The following KNDC1 variants were observed in gnomAD, a reference collection of about 807,000 sequenced individuals.
KNDC1 encodes kinase non-catalytic C-lobe domain-containing protein 1.
In KNDC1, 106 loss-of-function variants were observed where a neutral mutation model predicts 172.8. The ratio of observed to expected loss-of-function variants is 0.61; its 90% CI spans 0.52 to 0.72. The LOEUF (loss-of-function observed/expected upper bound fraction) is 0.72, where lower values mean the gene tolerates loss of function less well. Ranked by LOEUF, KNDC1 falls within the 30% of genes least tolerant of loss-of-function variation. The pLI is 0.00. For missense variants in KNDC1, 2,325 were observed against 2,394.5 expected (o/e 0.97, Z 0.61); for synonymous variants, 1,083 against 1,062.2 (o/e 1.02, Z -0.38).
At chr10:133,191,418 G>T (rs969704005) in intron 9 of KNDC1, among the ~76,000 whole-genome samples, 1 of 150,790 alleles carries the variant, frequency 6.6e-6, no homozygotes, top group Non-Finnish European at 1.5e-5. Flanking sequence ...ACCCCAACAG[G>T]GCCGGGTGTG....
intron 6 of KNDC1, among the ~76,000 whole-genome samples, chr10:133,186,968 C>T (rs1014741905): frequency 1.3e-5 from 2 of 152,180 alleles, no homozygotes; most frequent in Admixed American, 1.3e-4. Context: ...GCACGGCCGT[C>T]CCGAGGGATT....
chr10:133,167,652 A>G, intron 2 of KNDC1, 73 bp downstream of exon 2: 3 of 1,454,154 alleles, frequency 2.1e-6, no homozygotes, highest in Non-Finnish European at 2.8e-6. Context: ...GGATGTGAGC[A>G]CTGGCTCTGC....
chr10:133,217,781 A>C (rs979767308), intron 26 of KNDC1, among the ~76,000 whole-genome samples: 1 of 151,186 alleles, frequency 6.6e-6, no homozygotes, highest in Non-Finnish European at 1.5e-5. Context: ...ATATGGTGAA[A>C]CCTCATCTCC....
chr10:133,161,877 T>C (rs1852983431), intron 1 of KNDC1, among the ~76,000 whole-genome samples: 1 of 152,090 alleles, frequency 6.6e-6, no homozygotes, highest in Non-Finnish European at 1.5e-5. Flanking sequence ...GCCTCCCCGC[T>C]CCGCACACGG....
At chr10:133,219,190 AGAGT>A in intron 28 of KNDC1, 100 bp downstream of exon 28, 1 of 1,426,770 alleles carries the variant, frequency 7.0e-7, no homozygotes, top group Non-Finnish European at 9.6e-7. Context: ...CAGGCACCAC[AGAGT>A]GTGTGCAGGT....
chr10:133,202,814 G>T (rs1018285204), intron 17 of KNDC1: 6 of 379,458 alleles, frequency 1.6e-5, no homozygotes, highest in South Asian at 1.2e-4. Context: ...TGAAAGACCC[G>T]CATGGTGCTA....
At position 133,224,936 on chromosome 10, in the gene KNDC1, G is replaced by T. The variant is rs547715900; in HGVS notation, c.*46G>T. The T allele has an allele frequency of 7.4e-6, 11 of 1,496,232 alleles. No homozygotes were observed. The highest frequency in any genetic ancestry group is 1.4e-5 in the African/African-American group (1 of 72,194). The allele number at this position is 1,496,232 out of a possible 1,614,324, so 92.7% of individuals were successfully genotyped here. ...GAATTCCAGATCCGAATCCGACTGT[G>T]GGGGGCGGGCTGGGAGGTGGGAGCC... On this transcript the variant is annotated 3_prime_UTR_variant, in exon 30 of 30. Coordinates refer to ENST00000304613, the MANE Select transcript of KNDC1 (RefSeq NM_152643.8). The surrounding 1 kb of genome is among the most constrained non-coding windows in gnomAD (Gnocchi z 5.4).
At position 133,181,834 on chromosome 10, in the gene KNDC1, C is replaced by CCACACACACACACACACACACACA. The variant is rs369062586; in HGVS notation, c.361-1506_361-1483dup. ...CCAGACCAGGAAGCCCCAGGACCGT[C>CCACACACACACACACACACACACA]CACACACACACACACACACACACAC... is the stretch of plus-strand genomic sequence containing the variant. On this transcript the variant is annotated intron_variant, in intron 3 of 29. Transcript: ENST00000304613. Among the ~76,000 whole-genome samples, 322 of 138,870 alleles carry CCACACACACACACACACACACACA rather than the reference C, an allele frequency of 2.3e-3. 3 individuals carry two copies. The highest frequency in any genetic ancestry group is 7.5e-3 in the African/African-American group (291 of 38,840). 91.1% of individuals were successfully genotyped at this position (138,870 alleles called of 152,430 possible).
At chr10:133,210,348 A>G (rs1456229855) in intron 20 of KNDC1, among the ~76,000 whole-genome samples, 2 of 141,334 alleles carry the variant, frequency 1.4e-5, no homozygotes, top group Admixed American at 1.5e-4. Context: ...CCTGGGCGAC[A>G]AGAGCGAAAC....
intron 3 of KNDC1, among the ~76,000 whole-genome samples, chr10:133,172,727 C>T (rs1235313236): frequency 6.6e-6 from 1 of 152,230 alleles, no homozygotes; most frequent in Non-Finnish European, 1.5e-5. Context: ...GGCACAGTGG[C>T]TCACCCCTAT....
intron 26 of KNDC1, among the ~76,000 whole-genome samples, chr10:133,215,059 C>T (rs949971975): frequency 3.3e-5 from 5 of 152,200 alleles, no homozygotes; most frequent in Admixed American, 6.5e-5. Flanking sequence ...GCTTGGCTGT[C>T]GTGGGCTGGG....
chr10:133,184,246 CTGCACACACACGTTACACACACCCA>C (rs1323141840), intron 5 of KNDC1, among the ~76,000 whole-genome samples: 3 of 144,186 alleles, frequency 2.1e-5, no homozygotes, highest in Non-Finnish European at 4.6e-5. Context: ...TGCGCACACA[CTGCACACACACGTTACACACACCCA>C]TGCACACACA....
At chr10:133,193,063 A>T (rs1341857450) in intron 9 of KNDC1, among the ~76,000 whole-genome samples, 2 of 150,636 alleles carry the variant, frequency 1.3e-5, no homozygotes, top group Admixed American at 1.3e-4. Context: ...ATAAAAAACA[A>T]AAAGAGAGAG....
At position 133,218,890 on chromosome 10, in the gene KNDC1, A is replaced by C. The variant is rs761608454; in HGVS notation, c.4737A>C (p.Arg1579Ser). The change falls in exon 27 of 30, where the codon AGA becomes AGC. Residue 1579 changes from arginine to serine, a missense_variant. Transcript: ENST00000304613. ...TTGCAAAATCTTGCTATGAGCAGAG[A>C]AACTTCGCGACAGCCATGCAGATCC... ...LLIAKSCYEQ[R>S]NFATAMQILS... 6.2e-7 allele frequency: 1 copy of C among 1,613,834 alleles called. No individual in the cohort carries two copies. The highest frequency in any genetic ancestry group is 1.3e-5 in the African/African-American group (1 of 74,958).
At chr10:133,172,238 G>T (rs970795827) in intron 3 of KNDC1, among the ~76,000 whole-genome samples, 1 of 152,116 alleles carries the variant, frequency 6.6e-6, no homozygotes, top group Non-Finnish European at 1.5e-5. Context: ...CCAGAATGGC[G>T]CCCGCCTCCA....
At position 133,186,497 on chromosome 10, in the gene KNDC1, G is replaced by A. The variant is rs779263962; in HGVS notation, c.1149G>A (p.Thr383=). The change falls in exon 6 of 30, where the codon ACG becomes ACA. Residue 383 remains threonine (T), a synonymous_variant. Transcript: ENST00000304613. ...GGGTTCCCTGTGCAGGCCGCAGCACGGACAGGGGCCCTGGGGTGCCCGGCA... is the reference window on the plus strand; with the variant it reads ...GGGTTCCCTGTGCAGGCCGCAGCACAGACAGGGGCCCTGGGGTGCCCGGCA... ...LGRVPCAGRS[T]DRGPGVPGSP... 98 of 1,612,220 alleles carry A rather than the reference G, an allele frequency of 6.1e-5. No individual in the cohort carries two copies. The highest frequency in any genetic ancestry group is 1.6e-4 in the Middle Eastern group (1 of 6,084).
rs1213576731 is a variant in KNDC1 at position 133,183,392 on chromosome 10, G to A, written c.409G>A (p.Val137Met). ...CACGCTGAAGGCCGCCCTCGAGTAC[G>A]TGGCAGAGCCCACACTGGAACCCAG... ...GATLKAALEY[V>M]AEPTLEPRLS... The change falls in exon 4 of 30, where the codon GTG (valine) becomes ATG (methionine). Residue 137 changes from valine (V) to methionine (M), a missense_variant. Physicochemically the swap from Val to Met is conservative, Grantham distance 21. Coordinates refer to ENST00000304613, the MANE Select transcript of KNDC1 (RefSeq NM_152643.8). 8 of 1,599,986 alleles carry A rather than the reference G, an allele frequency of 5.0e-6. No homozygotes were observed. Among genetic ancestry groups the A allele is most frequent in the South Asian group, 2.3e-5 (2 of 88,522 alleles).
intron 3 of KNDC1, among the ~76,000 whole-genome samples, chr10:133,172,085 C>G (rs931053048): frequency 6.6e-6 from 1 of 152,182 alleles, no homozygotes; most frequent in Non-Finnish European, 1.5e-5. Flanking sequence ...GGTTTTCCTT[C>G]CTTCTCTTAC....
rs766184491 is a variant in KNDC1 at position 133,183,944 on chromosome 10, G to A, written c.580G>A (p.Val194Met). The change falls in exon 5 of 30, where the codon GTG becomes ATG. Residue 194 changes from valine to methionine, a missense_variant. Transcript: ENST00000304613. ...SCRVCRSLSA[V>M]GRRVLSIESF... ...TCGCGTGTGCCGGAGCCTCTCTGCTGTGGGGAGGAGGGTCCTCTCCATCGA... is the reference window on the plus strand; with the variant it reads ...TCGCGTGTGCCGGAGCCTCTCTGCTATGGGGAGGAGGGTCCTCTCCATCGA... 1 of 1,602,324 alleles carries A rather than the reference G, an allele frequency of 6.2e-7. No homozygotes were observed. The highest frequency in any genetic ancestry group is 1.1e-5 in the South Asian group (1 of 90,470).
Sources: gnomAD v4.1 joint callset for allele counts (sites outside exome capture counted in the v4.1 genomes callset) on GRCh38, gnomAD v4.1.1 for gene constraint, Gnocchi (gnomAD v3.1) non-coding constraint, MANE v1.5 for transcripts, NCBI Gene and HGNC (gene_info 2026-07-23, HGNC 2026-07-21) for gene names.